Variants in ZBTB20 observed in about 807,000 individuals in gnomAD.
ZBTB20 encodes the protein zinc finger and BTB domain containing 20.
Under a neutral mutation model 56.9 loss-of-function variants are expected in ZBTB20, and 9 were observed. That is an observed-to-expected ratio of 0.16 (90% CI 0.10 to 0.28). The LOEUF is 0.28. Among genes scored for constraint, ZBTB20 ranks in the 10% least tolerant of loss-of-function variants. ZBTB20 has a pLI of 1.00. For missense variants in ZBTB20, 655 were observed against 1,003.0 expected, an observed-to-expected ratio of 0.65 and a Z score of 4.69; for synonymous variants, 417 against 420.7, an observed-to-expected ratio of 0.99 and a Z score of 0.11.
rs2079086392 is a variant in ZBTB20 at position 114,327,016 on chromosome 3, A to G, written c.*11989T>C. 6.6e-6 allele frequency: 1 copy of G among 152,164 alleles called. No homozygotes were observed. The highest frequency in any genetic ancestry group is 6.5e-5 in the Admixed American group (1 of 15,276). 9.4% of individuals were successfully genotyped at this position (152,164 alleles called of 1,614,324 possible). A position where few individuals can be genotyped will look rare whatever the true frequency, so the allele number is the denominator to read the frequency against. On this transcript the variant is annotated 3_prime_UTR_variant, in exon 12 of 12. Coordinates refer to ENST00000675478, the MANE Select transcript of ZBTB20 (RefSeq NM_001348800.3). ...TTCCTGGAGAAAAGAAGAAAAAAAA[A>G]TCTTCCTATCCTCACGAATATATAC...
chr3:114,862,840 A>G (rs1377433299), intron 4 of ZBTB20, among the ~76,000 whole-genome samples: 3 of 152,090 alleles, frequency 2.0e-5, no homozygotes, highest in African/African-American at 7.2e-5. Flanking sequence ...AAGGGAAGAG[A>G]TTTTATTTGA....
chr3:114,402,908 T>C (rs13087791), intron 7 of ZBTB20, among the ~76,000 whole-genome samples: 1 of 152,130 alleles, frequency 6.6e-6, no homozygotes, highest in Non-Finnish European at 1.5e-5. Flanking sequence ...TTACCCGAAA[T>C]TTCAGGATAC....
At chr3:115,118,786 T>A (rs992797592) in intron 1 of ZBTB20, among the ~76,000 whole-genome samples, 4 of 139,936 alleles carry the variant, frequency 2.9e-5, no homozygotes, top group African/African-American at 8.0e-5. Flanking sequence ...AGTGGCGCGA[T>A]CTCCACTCAC....
intron 6 of ZBTB20, among the ~76,000 whole-genome samples, chr3:114,589,547 C>T (rs2055531444): frequency 6.6e-6 from 1 of 152,088 alleles, no homozygotes; most frequent in Admixed American, 6.5e-5. Flanking sequence ...ATAGATTGAC[C>T]ATTTAATTTA....
At chr3:114,352,644 T>C (rs2080797503) in intron 10 of ZBTB20, among the ~76,000 whole-genome samples, 3 of 152,130 alleles carry the variant, frequency 2.0e-5, no homozygotes, top group Admixed American at 6.5e-5. Flanking sequence ...TCTAGGGTGG[T>C]TGCATGTGAT....
chr3:114,588,810 A>G (rs1292975422), intron 6 of ZBTB20, among the ~76,000 whole-genome samples: 1 of 152,140 alleles, frequency 6.6e-6, no homozygotes, highest in African/African-American at 2.4e-5. Context: ...CTTAATCCAT[A>G]TTAGTCTGTT....
intron 6 of ZBTB20, among the ~76,000 whole-genome samples, chr3:114,679,394 G>A (rs1013888416): frequency 1.3e-5 from 2 of 152,028 alleles, no homozygotes; most frequent in Non-Finnish European, 2.9e-5. Context: ...ATGTGACAAA[G>A]GGCTAATATC....
At chr3:114,892,864 A>G (rs2076873312) in intron 4 of ZBTB20, among the ~76,000 whole-genome samples, 1 of 152,222 alleles carries the variant, frequency 6.6e-6, no homozygotes, top group Non-Finnish European at 1.5e-5. Context: ...TAAAGTGATC[A>G]TTCCATCACC....
intron 6 of ZBTB20, among the ~76,000 whole-genome samples, chr3:114,653,973 C>T (rs1386121353): frequency 6.6e-6 from 1 of 151,906 alleles, no homozygotes; most frequent in Non-Finnish European, 1.5e-5. Flanking sequence ...TCTCTCATTA[C>T]TGATATTCAT....
chr3:115,055,130 T>G (rs1048248341), intron 2 of ZBTB20, among the ~76,000 whole-genome samples: 1 of 150,774 alleles, frequency 6.6e-6, no homozygotes, highest in Non-Finnish European at 1.5e-5. Flanking sequence ...CATAGAGTAA[T>G]TTTAACTTAC....
chr3:114,680,481 A>C (rs2108244494), intron 6 of ZBTB20, among the ~76,000 whole-genome samples: 1 of 152,308 alleles, frequency 6.6e-6, no homozygotes, highest in African/African-American at 2.4e-5. Flanking sequence ...TTACAAACAA[A>C]CAAACCAAAA....
intron 7 of ZBTB20, among the ~76,000 whole-genome samples, chr3:114,456,310 A>G (rs1161583187): frequency 1.3e-5 from 2 of 152,080 alleles, no homozygotes; most frequent in Non-Finnish European, 2.9e-5. Context: ...AATATTGTAG[A>G]GGCCTCGTCT....
chr3:114,639,027 T>C (rs1477866214), intron 6 of ZBTB20, among the ~76,000 whole-genome samples: 1 of 152,104 alleles, frequency 6.6e-6, no homozygotes, highest in Non-Finnish European at 1.5e-5. Flanking sequence ...TGACTGTGAT[T>C]CACCCCAATG....
chr3:114,967,518 G>C (rs745746052), intron 3 of ZBTB20, among the ~76,000 whole-genome samples: 29 of 152,106 alleles, frequency 1.9e-4, no homozygotes, highest in Non-Finnish European at 1.8e-4. Flanking sequence ...TACTTCAAAT[G>C]GTCTTCAAGA....
intron 5 of ZBTB20, among the ~76,000 whole-genome samples, chr3:114,719,517 A>G (rs1248891714): frequency 6.6e-6 from 1 of 152,086 alleles, no homozygotes; most frequent in Non-Finnish European, 1.5e-5. Flanking sequence ...TCCTAACAAT[A>G]AAACAAAACT....
chr3:114,870,596 G>T (rs1335953519), intron 4 of ZBTB20, among the ~76,000 whole-genome samples: 1 of 151,408 alleles, frequency 6.6e-6, no homozygotes, highest in Non-Finnish European at 1.5e-5. Context: ...TTGCTGCACA[G>T]GTAATCCCTA....
chr3:114,321,216 T>C lies in ZBTB20; in HGVS notation c.*17789A>G, dbSNP rs904872570. On this transcript the variant is annotated 3_prime_UTR_variant, in exon 12 of 12. Transcript: ENST00000675478. ...GTAACATATAATATATGAGATGAAA[T>C]ATAATTCTGTTAGAGAGGACATGGT... 40 of 152,122 alleles carry C rather than the reference T, an allele frequency of 2.6e-4. No individual in the cohort carries two copies. Among genetic ancestry groups the C allele is most frequent in the Admixed American group, 7.2e-4 (11 of 15,274 alleles). 9.4% of individuals were successfully genotyped at this position (152,122 alleles called of 1,614,324 possible).
At chr3:115,048,855 T>C (rs1331941761) in intron 2 of ZBTB20, among the ~76,000 whole-genome samples, 1 of 152,120 alleles carries the variant, frequency 6.6e-6, no homozygotes, top group Non-Finnish European at 1.5e-5. Context: ...AGAGTATTTA[T>C]TAAAGACTTC....
Position 114,617,353 on chromosome 3 carries a change from G to A in ZBTB20, c.-295+76175C>T, listed in dbSNP as rs573538583. ...GCCCCTGCTGGCTCCCTTACTGAAT[G>A]TTCTTCCTCCCTCTGACCATCTGGG... On this transcript the variant is annotated intron_variant, in intron 6 of 11. Transcript: ENST00000675478. Among the ~76,000 whole-genome samples the A allele has an allele frequency of 5.9e-5, 9 of 152,054 alleles. No homozygotes were observed. In the South Asian group the frequency reaches 6.2e-4, roughly 11 times the overall value.
Sources: gnomAD v4.1 joint callset for allele counts (sites outside exome capture counted in the v4.1 genomes callset) on GRCh38, gnomAD v4.1.1 for gene constraint, MANE v1.5 for transcripts, NCBI Gene and HGNC (gene_info 2026-07-23, HGNC 2026-07-21) for gene names.